Variants in CAPS2 observed in about 807,000 individuals in gnomAD.
The protein encoded by CAPS2 is calcyphosine 2.
CAPS2 carries 98 observed loss-of-function variants against 86.5 expected under a neutral mutation model. The observed-to-expected ratio is 1.13, with a 90% CI of 0.96 to 1.34. CAPS2 has a LOEUF of 1.34. Among genes scored for constraint, CAPS2 ranks in the 40% most tolerant of loss-of-function variants. The pLI, the probability that CAPS2 is intolerant of heterozygous loss-of-function variation, is 0.00. For synonymous variants in CAPS2, 210 were observed against 225.1 expected (o/e 0.93, Z 0.60); for missense variants, 729 against 686.8 (o/e 1.06, Z -0.69).
chr12:75,305,947 G>C, intron 7 of CAPS2: 1 of 1,156,566 alleles, frequency 8.6e-7, no homozygotes. Flanking sequence ...GCTGGAGCCC[G>C]AGGAGCATGG....
At position 75,278,459 on chromosome 12, in the gene CAPS2, C is replaced by A. The variant is rs143383669; in HGVS notation, c.*431G>T. The A allele has an allele frequency of 1.7e-4, 171 of 985,630 alleles. 2 individuals carry two copies. The African/African-American group carries it at 2.8e-3, about 16-fold the overall frequency. The allele number at this position is 985,630 out of a possible 1,614,324, so 61.1% of individuals were successfully genotyped here. A position where few individuals can be genotyped will look rare whatever the true frequency, so the allele number is the denominator to read the frequency against. ...CCCAATTCTAATTTATCAAATTGAC[C>A]ATGGTGGCAAATATATTCTGAGGAA... On this transcript the variant is annotated 3_prime_UTR_variant, in exon 17 of 17. Coordinates refer to ENST00000393284, the Ensembl canonical transcript of CAPS2.
At chr12:75,304,043 G>A (rs1221189528) in intron 8 of CAPS2, among the ~76,000 whole-genome samples, 1 of 152,130 alleles carries the variant, frequency 6.6e-6, no homozygotes, top group Non-Finnish European at 1.5e-5. Flanking sequence ...CTGAACTCCA[G>A]AACAATTAAA....
At chr12:75,390,477 G>A in intron 1 of CAPS2, 1 of 419,798 alleles carries the variant, frequency 2.4e-6, no homozygotes, top group South Asian at 1.7e-5. Flanking sequence ...TTCCCACAAA[G>A]GTTCATTTAA....
chr12:75,298,545 C>A (rs1380148402), intron 11 of CAPS2, 142 bp downstream of exon 11: 2 of 598,024 alleles, frequency 3.3e-6, no homozygotes, highest in East Asian at 2.8e-5. Flanking sequence ...AAACATCAAC[C>A]ATTAGCCCAC....
At chr12:75,360,533 T>C (rs898869893) in intron 1 of CAPS2, 3 of 152,178 alleles carry the variant, frequency 2.0e-5, no homozygotes, top group African/African-American at 7.2e-5. Context: ...AAATCTTAAA[T>C]CTCTGAAATA....
chr12:75,289,190 T>A lies in CAPS2; in HGVS notation c.1395+431A>T, dbSNP rs77060435. 8.6e-4 allele frequency among the ~76,000 whole-genome samples: 131 copies of A among 152,270 alleles called. 1 individual carries two copies. In the East Asian group the frequency reaches 0.019, roughly 22 times the overall value. ...ACACTCCTTTTTCTCCCTCGTCTGG[T>A]TAATTCCTCCTCAACCTTCAAAACT... is the stretch of plus-strand genomic sequence containing the variant. On this transcript the variant is annotated intron_variant, in intron 14 of 16. Coordinates refer to ENST00000393284, the Ensembl canonical transcript of CAPS2.
At chr12:75,318,672 C>G (rs921084112) in intron 5 of CAPS2, among the ~76,000 whole-genome samples, 1 of 152,164 alleles carries the variant, frequency 6.6e-6, no homozygotes, top group African/African-American at 2.4e-5. Flanking sequence ...ATCCCATACC[C>G]AAAGCCCTGA....
At chr12:75,344,020 G>A in intron 1 of CAPS2, 15 of 1,193,556 alleles carry the variant, frequency 1.3e-5, no homozygotes, top group Non-Finnish European at 1.6e-5. Context: ...TATGTAAAGT[G>A]CCTTTATTTT....
At chr12:75,281,589 G>GAAAATTCATAGAGTAAGT (rs2033954479) in intron 16 of CAPS2, among the ~76,000 whole-genome samples, 1 of 151,930 alleles carries the variant, frequency 6.6e-6, no homozygotes, top group African/African-American at 2.4e-5. Context: ...ACATAGCCAT[G>GAAAATTCATAGAGTAAGT]AAAATTCATA....
chr12:75,347,350 C>T (rs1373568512), intron 1 of CAPS2, among the ~76,000 whole-genome samples: 1 of 151,780 alleles, frequency 6.6e-6, no homozygotes, highest in Non-Finnish European at 1.5e-5. Context: ...ATTATTTTGG[C>T]TGTATATTAT....
chr12:75,277,138 T>C (rs1288821975), downstream of CAPS2: 1 of 983,242 alleles, frequency 1.0e-6, no homozygotes, highest in Non-Finnish European at 1.2e-6. Context: ...TGAATGCTTA[T>C]GTTAGGAAGA....
intron 15 of CAPS2, 22 bp downstream of exon 15, chr12:75,284,939 A>C (rs1468103128): frequency 1.3e-6 from 2 of 1,575,184 alleles, no homozygotes; most frequent in Non-Finnish European, 1.7e-6. Context: ...TAACAATTTG[A>C]AAGATTACTT....
chr12:75,338,624 T>C (rs1170374832), intron 1 of CAPS2, among the ~76,000 whole-genome samples: 2 of 152,050 alleles, frequency 1.3e-5, no homozygotes, highest in East Asian at 1.9e-4. Context: ...CTGGGGTACA[T>C]GTGCAGGATG....
chr12:75,289,542 A>G (rs1411310449), intron 14 of CAPS2, 79 bp downstream of exon 14: 10 of 1,302,016 alleles, frequency 7.7e-6, no homozygotes, highest in Non-Finnish European at 9.5e-6. Context: ...AATGAAAACT[A>G]AAATTTCAGT....
At chr12:75,356,682 T>C (rs768360370) in intron 1 of CAPS2, among the ~76,000 whole-genome samples, 1 of 152,130 alleles carries the variant, frequency 6.6e-6, no homozygotes, top group Non-Finnish European at 1.5e-5. Context: ...GATGATAGCA[T>C]CAAACCTAAC....
intron 11 of CAPS2, among the ~76,000 whole-genome samples, chr12:75,297,815 C>T (rs1372038567): frequency 6.6e-6 from 1 of 152,306 alleles, no homozygotes; most frequent in South Asian, 2.1e-4. Context: ...AAGCTGTCTT[C>T]TCCACCTGGA....
exon 4 of CAPS2, chr12:75,322,998 A>G (rs904687363): frequency 1.3e-6 from 2 of 1,540,904 alleles, no homozygotes; most frequent in Non-Finnish European, 1.8e-6. Context: ...GATACTGAGT[A>G]TATGGAGTTT....
intron 8 of CAPS2, among the ~76,000 whole-genome samples, chr12:75,300,807 C>T (rs193120976): frequency 3.3e-5 from 5 of 152,134 alleles, no homozygotes; most frequent in East Asian, 3.9e-4. Context: ...CAGCCTAGAG[C>T]GGTAACATCA....
intron 11 of CAPS2, among the ~76,000 whole-genome samples, chr12:75,295,933 T>G (rs1038199823): frequency 6.6e-6 from 1 of 151,472 alleles, no homozygotes; most frequent in Non-Finnish European, 1.5e-5. Flanking sequence ...CTAAAAGATA[T>G]AAAGAAAAAA....
Sources: allele counts gnomAD v4.1 joint callset (sites outside exome capture counted in the v4.1 genomes callset), GRCh38; gene constraint gnomAD v4.1.1; transcripts MANE v1.5; gene names NCBI Gene and HGNC (gene_info 2026-07-23, HGNC 2026-07-21).